Variants in PTPRS observed in about 807,000 individuals in gnomAD.
PTPRS encodes the protein protein tyrosine phosphatase receptor type S.
Under a neutral mutation model 215.3 loss-of-function variants are expected in PTPRS, and 63 were observed. The ratio of observed to expected loss-of-function variants is 0.29; its 90% confidence interval spans 0.24 to 0.36. The LOEUF is 0.36. Among genes scored for constraint, PTPRS ranks in the 10% least tolerant of loss-of-function variants. PTPRS has a pLI of 1.00. For synonymous variants in PTPRS, 1,404 were observed against 1,191.4 expected (o/e 1.18, Z -3.68); for missense variants, 2,258 against 2,825.8 (o/e 0.80, Z 4.56).
intron 9 of PTPRS, among the ~76,000 whole-genome samples, chr19:5,248,017 G>A (rs1172297466): frequency 6.7e-6 from 1 of 149,928 alleles, no homozygotes; most frequent in Non-Finnish European, 1.5e-5. Flanking sequence ...TGGAGGTGAG[G>A]GGCGAGGTGC....
rs2046310032 is a variant in PTPRS, at chr19:5,265,147, C to T, written c.429G>A (p.Leu143=). Residue 143 remains leucine (L), a synonymous_variant, in exon 5 of 38, where the codon TTG becomes TTA. Transcript: ENST00000262963. ...CTGTCCGTGTCCGCTCCACCACCTT[C>T]AACTGTGGGCCCATGTCGATGTTGG... is the stretch of plus-strand genomic sequence containing the variant. The part of the protein sequence containing the change: ...GFPNIDMGPQ[L]KVVERTRTAT... 6 of 1,614,086 alleles carry T rather than the reference C, an allele frequency of 3.7e-6. No homozygotes were observed. Among genetic ancestry groups the T allele is most frequent in the Non-Finnish European group, 3.4e-6 (4 of 1,179,998 alleles).
At chr19:5,227,590 A>C (rs1396410330) in intron 16 of PTPRS, among the ~76,000 whole-genome samples, 1 of 151,396 alleles carries the variant, frequency 6.6e-6, no homozygotes, top group Non-Finnish European at 1.5e-5. Context: ...TTGTATTTTT[A>C]GTAGAGACAG....
At chr19:5,278,691 T>A (rs2146712131) in intron 2 of PTPRS, among the ~76,000 whole-genome samples, 1 of 151,682 alleles carries the variant, frequency 6.6e-6, no homozygotes, top group East Asian at 2.0e-4. Context: ...GCCAGGCTGG[T>A]CTCAAACTCT....
intron 26 of PTPRS, among the ~76,000 whole-genome samples, chr19:5,216,039 T>G (rs1007386652): frequency 5.3e-5 from 8 of 152,178 alleles, no homozygotes; most frequent in Admixed American, 2.6e-4. Flanking sequence ...GGTGGGCGAC[T>G]GACACCCCTT....
rs1416406546 is a variant in PTPRS, at chr19:5,222,789, C to G, written c.3003G>C (p.Lys1001Asn). The G allele has an allele frequency of 1.9e-6, 3 of 1,598,724 alleles. No homozygotes were observed. The highest frequency in any genetic ancestry group is 3.3e-5 in the Admixed American group (2 of 59,898). ...CTTGGAGGTCATAGGCCGTGTCGGG[C>G]TTCAGGCCCTGCAGCGTGAGCGCGT... ...AENALTLQGL[K>N]PDTAYDLQVR... The change falls in exon 18 of 38, where the codon AAG (lysine) becomes AAC (asparagine). Residue 1001 changes from lysine to asparagine, a missense_variant. Coordinates refer to ENST00000262963, the MANE Select transcript of PTPRS (RefSeq NM_002850.4).
chr19:5,331,814 TAAGTC>T, intron 1 of PTPRS, among the ~76,000 whole-genome samples: 1 of 152,320 alleles, frequency 6.6e-6, no homozygotes. Flanking sequence ...GTATTTAATT[TAAGTC>T]AAGTTTATCA....
At chr19:5,299,535 T>A (rs997830058) in intron 1 of PTPRS, among the ~76,000 whole-genome samples, 2 of 152,174 alleles carry the variant, frequency 1.3e-5, no homozygotes, top group Admixed American at 1.3e-4. Flanking sequence ...CACCTGAAAT[T>A]CTCTGTCTTT....
intron 1 of PTPRS, among the ~76,000 whole-genome samples, chr19:5,336,240 G>A (rs1263000716): frequency 8.2e-5 from 9 of 109,472 alleles, no homozygotes; most frequent in African/African-American, 3.0e-4. Context: ...TTGGTTGAGA[G>A]TCTTTTCTTT....
rs961241129 is a variant in PTPRS, at chr19:5,205,890, G to A, written c.*884C>T. Among the ~76,000 whole-genome samples the A allele has an allele frequency of 6.6e-6, 1 of 151,792 alleles. No individual in the cohort carries two copies. Among genetic ancestry groups the A allele is most frequent in the African/African-American group, 2.4e-5 (1 of 41,266 alleles). ...AGCGTCCCCCTCAACCGCACCCAAC[G>A]CCACTGGGTCCGAGCTCCCCCATGA... On this transcript the variant is annotated 3_prime_UTR_variant, in exon 38 of 38. Transcript: ENST00000262963.
chr19:5,229,389 G>A (rs769673223), intron 15 of PTPRS, 47 bp from the exon 16 acceptor site: 2 of 1,364,258 alleles, frequency 1.5e-6, no homozygotes, highest in Non-Finnish European at 1.9e-6. Flanking sequence ...AAGGTGAGCG[G>A]GGGAGGCCAG....
intron 4 of PTPRS, among the ~76,000 whole-genome samples, chr19:5,267,660 A>C (rs79433660): frequency 0.29 from 43,205 of 148,176 alleles, 6,960 homozygotes; most frequent in Non-Finnish European, 0.37. Flanking sequence ...GTCTCAAAAA[A>C]AAAAAAAAAA....
At position 5,210,476 on chromosome 19, in the gene PTPRS, T is replaced by C; in HGVS notation, c.5480A>G (p.Asp1827Gly). The C allele has an allele frequency of 6.2e-7, 1 of 1,614,156 alleles. No homozygotes were observed. The highest frequency in any genetic ancestry group is 8.5e-7 in the Non-Finnish European group (1 of 1,180,000). The change falls in exon 35 of 38, where the codon GAT becomes GGT. Residue 1827 changes from aspartate (D) to glycine (G), a missense_variant. By Grantham distance (94) the Asp-to-Gly change is moderately conservative. Coordinates refer to ENST00000262963, the MANE Select transcript of PTPRS (RefSeq NM_002850.4). This position sits in a 1 kb window ranked among gnomAD's most constrained non-coding sequence, Gnocchi z 4.5. ...QYILREFKVT[D>G]ARDGQSRTVR... ...GTCTGTCTCTTCACTCACCCGGGCA[T>C]CTGTGACCTTGAACTCTCGCAGGAT...
At chr19:5,252,574 CAAAAAAAAAAAAA>C (rs56215560) in intron 9 of PTPRS, among the ~76,000 whole-genome samples, 3 of 66,800 alleles carry the variant, frequency 4.5e-5, no homozygotes, top group Middle Eastern at 0.021. Flanking sequence ...GAGATTCTGT[CAAAAAAAAAAAAA>C]AAAAAAAAAA....
At chr19:5,297,472 G>C (rs2049170685) in intron 1 of PTPRS, among the ~76,000 whole-genome samples, 1 of 152,180 alleles carries the variant, frequency 6.6e-6, no homozygotes, top group African/African-American at 2.4e-5. Flanking sequence ...GATGGAACCA[G>C]CACTCCTGCC....
At chr19:5,252,203 A>G (rs8108609) in intron 9 of PTPRS, among the ~76,000 whole-genome samples, 135,346 of 152,112 alleles carry the variant, frequency 0.89, 60,556 homozygotes, top group African/African-American at 0.97. Flanking sequence ...CTTAGCACTC[A>G]AGACTCTGCG....
At chr19:5,216,804 AG>A (rs1568384389) in intron 25 of PTPRS, 37 bp from the exon 26 acceptor site, 2 of 1,404,426 alleles carry the variant, frequency 1.4e-6, no homozygotes, top group Non-Finnish European at 2.0e-6. Flanking sequence ...GAAAACATGC[AG>A]GGGGTAGGGG....
chr19:5,333,978 C>T (rs186055560), intron 1 of PTPRS, among the ~76,000 whole-genome samples: 2 of 149,332 alleles, frequency 1.3e-5, no homozygotes, highest in African/African-American at 4.9e-5. Flanking sequence ...CAAACTCCCC[C>T]CTTTGGTGAT....
intron 1 of PTPRS, among the ~76,000 whole-genome samples, chr19:5,311,423 A>C (rs1258435019): frequency 6.6e-6 from 1 of 152,146 alleles, no homozygotes; most frequent in Non-Finnish European, 1.5e-5. Context: ...CCTGGTATAT[A>C]GGAGGTGCTC....
chr19:5,291,686 T>C (rs571489460), intron 1 of PTPRS, among the ~76,000 whole-genome samples: 1 of 152,114 alleles, frequency 6.6e-6, no homozygotes, highest in Non-Finnish European at 1.5e-5. Flanking sequence ...TGGCACACCC[T>C]TCCCCAGCTG....
Sources: gnomAD v4.1 joint callset for allele counts (sites outside exome capture counted in the v4.1 genomes callset) on GRCh38, gnomAD v4.1.1 for gene constraint, Gnocchi (gnomAD v3.1) non-coding constraint, MANE v1.5 for transcripts, NCBI Gene and HGNC (gene_info 2026-07-23, HGNC 2026-07-21) for gene names.